The following MAP4K4 variants were observed in gnomAD, a reference collection of about 807,000 sequenced individuals.
MAP4K4 encodes HPK/GCK-like kinase HGK.
Under a neutral mutation model 189.6 loss-of-function variants are expected in MAP4K4, and 38 were observed. The observed-to-expected ratio is 0.20, with a 90% CI of 0.15 to 0.26. The LOEUF (loss-of-function observed/expected upper bound fraction) is 0.26. Among genes scored for constraint, MAP4K4 ranks in the 10% least tolerant of loss-of-function variants. The pLI is 1.00. For missense variants in MAP4K4, 1,054 were observed against 1,726.9 expected (o/e 0.61, Z 6.91); for synonymous variants, 610 against 624.3 (o/e 0.98, Z 0.34).
intron 2 of MAP4K4, among the ~76,000 whole-genome samples, chr2:101,711,976 T>G (rs1029737289): frequency 2.7e-5 from 4 of 149,462 alleles, no homozygotes; most frequent in Non-Finnish European, 6.0e-5. Context: ...TCTTGCCCTT[T>G]TTTTTTTTTT....
intron 2 of MAP4K4, among the ~76,000 whole-genome samples, chr2:101,742,781 T>C (rs1025839411): frequency 2.6e-5 from 4 of 152,196 alleles, no homozygotes; most frequent in Non-Finnish European, 5.9e-5. Flanking sequence ...CCTAACTGTA[T>C]TTCCTGGAAT....
rs572636599 is a variant in MAP4K4, at chr2:101,842,558, G to A, written c.950-51G>A. ...CCTGCAGATGCTTGTCTGAACAGGC[G>A]TGTGTCAGGACTTGTGAACTGTCCC... On this transcript the variant is annotated intron_variant, in intron 10 of 32. Transcript: ENST00000324219. The A allele has an allele frequency of 6.8e-5, 91 of 1,338,180 alleles. No homozygotes were observed. The South Asian group carries it at 1.1e-3, about 16-fold the overall frequency. The allele number at this position is 1,338,180 out of a possible 1,614,324, so 82.9% of individuals were successfully genotyped here.
intron 3 of MAP4K4, among the ~76,000 whole-genome samples, chr2:101,812,672 T>G (rs2095502303): frequency 6.6e-6 from 1 of 152,120 alleles, no homozygotes; most frequent in South Asian, 2.1e-4. Flanking sequence ...TTTTTAAAAA[T>G]GTGCATCTTT....
chr2:101,893,806 C>T (rs1290364780), exon 33 of MAP4K4: 1 of 153,174 alleles, frequency 6.5e-6, no homozygotes, highest in Non-Finnish European at 1.5e-5. Flanking sequence ...TCTGAGCTCA[C>T]ACCGAGTTGT....
intron 28 of MAP4K4, among the ~76,000 whole-genome samples, chr2:101,883,076 C>G (rs1173616930): frequency 6.6e-6 from 1 of 152,116 alleles, no homozygotes; most frequent in African/African-American, 2.4e-5. Flanking sequence ...GACTTGAGTC[C>G]TTTTTTACAT....
chr2:101,863,982 TAA>T lies in MAP4K4; in HGVS notation c.2029_2030del (p.Lys677ValfsTer5). On this transcript the variant is annotated frameshift_variant, in exon 17 of 33. Transcript: ENST00000324219. LOFTEE classifies it high-confidence loss of function. ...AGGTGCTCAGTCAGAGCTCTGACTC[TAA>T]GTCAGAGGCGCCTGACCCTACCCAA... 7.3e-7 allele frequency: 1 copy of T among 1,367,694 alleles called. No homozygotes were observed. Among genetic ancestry groups the T allele is most frequent in the Non-Finnish European group, 9.8e-7 (1 of 1,021,810 alleles). 84.7% of individuals were successfully genotyped at this position (1,367,694 alleles called of 1,614,324 possible).
intron 12 of MAP4K4, among the ~76,000 whole-genome samples, chr2:101,852,168 C>T (rs1338274008): frequency 2.0e-5 from 3 of 150,914 alleles, no homozygotes; most frequent in African/African-American, 7.3e-5. Flanking sequence ...TAGTATGAGG[C>T]ACTACCCAGA....
At chr2:101,807,182 C>T (rs1409450853) in intron 3 of MAP4K4, among the ~76,000 whole-genome samples, 1 of 151,964 alleles carries the variant, frequency 6.6e-6, no homozygotes, top group Non-Finnish European at 1.5e-5. Context: ...TCTTGATTAG[C>T]TGGGGTTATA....
rs775490888 is a variant in MAP4K4 at position 101,887,096 on chromosome 2, A to G, written c.3630A>G (p.Gly1210=). ...TTATGGCTTCTTTGCAGTCATTTGG[A>G]GAATTGGTACATAAGCCATTACTGG... The change falls in exon 30 of 33, where the codon GGA becomes GGG. Residue 1210 remains glycine, a synonymous_variant. Coordinates refer to ENST00000324219, the Ensembl canonical transcript of MAP4K4. 1.9e-5 allele frequency: 30 copies of G among 1,566,004 alleles called. No homozygotes were observed. In the South Asian group the frequency reaches 3.5e-4, roughly 18 times the overall value.
At chr2:101,834,194 CTCCCTCCATCCCTCCATCCCTCCA>C (rs568532982) in intron 7 of MAP4K4, among the ~76,000 whole-genome samples, 191 bp from the exon 8 acceptor site, 1 of 125,462 alleles carries the variant, frequency 8.0e-6, no homozygotes, top group Non-Finnish European at 1.7e-5. Flanking sequence ...CCTCCCTCCC[CTCCCTCCATCCCTCCATCCCTCCA>C]TCCCTCCATC....
intron 2 of MAP4K4, among the ~76,000 whole-genome samples, chr2:101,760,549 T>C (rs1266895946): frequency 1.3e-5 from 2 of 150,824 alleles, no homozygotes; most frequent in Non-Finnish European, 2.9e-5. Flanking sequence ...TGTGTGTGTG[T>C]GTGTGTGTGT....
At chr2:101,857,872 G>A (rs2097526553) in intron 13 of MAP4K4, among the ~76,000 whole-genome samples, 1 of 152,138 alleles carries the variant, frequency 6.6e-6, no homozygotes, top group African/African-American at 2.4e-5. Context: ...TTTGTTTCAA[G>A]GTGTGCACCA....
intron 12 of MAP4K4, among the ~76,000 whole-genome samples, chr2:101,845,956 T>C (rs2149620149): frequency 6.6e-6 from 1 of 152,352 alleles, no homozygotes; most frequent in Non-Finnish European, 1.5e-5. Context: ...ATCCTACTAA[T>C]TTAACAGCAC....
At chr2:101,738,992 G>A (rs1268985667) in intron 2 of MAP4K4, among the ~76,000 whole-genome samples, 2 of 152,008 alleles carry the variant, frequency 1.3e-5, no homozygotes, top group African/African-American at 2.4e-5. Context: ...GTTACTGCTG[G>A]CCGTCATTAT....
chr2:101,890,202 T>C (rs565847563), intron 32 of MAP4K4, among the ~76,000 whole-genome samples: 7 of 152,348 alleles, frequency 4.6e-5, no homozygotes, highest in African/African-American at 1.7e-4. Flanking sequence ...AAAAAGAAAT[T>C]AGGTTGTTAA....
At chr2:101,776,734 C>T (rs2084382134) in intron 2 of MAP4K4, among the ~76,000 whole-genome samples, 1 of 151,896 alleles carries the variant, frequency 6.6e-6, no homozygotes, top group African/African-American at 2.4e-5. Flanking sequence ...TAATCAGATG[C>T]CAGGGTAATT....
At chr2:101,742,729 T>G (rs1381370465) in intron 2 of MAP4K4, among the ~76,000 whole-genome samples, 1 of 152,122 alleles carries the variant, frequency 6.6e-6, no homozygotes, top group East Asian at 1.9e-4. Flanking sequence ...GTCAAGCAGG[T>G]AAAGGAGAGA....
chr2:101,722,043 A>G (rs1008596524), intron 2 of MAP4K4, among the ~76,000 whole-genome samples: 1 of 152,194 alleles, frequency 6.6e-6, no homozygotes, highest in African/African-American at 2.4e-5. Context: ...ACCTTGGTTT[A>G]CAATAGAGGA....
At chr2:101,858,784 A>G (rs190447548) in intron 13 of MAP4K4, among the ~76,000 whole-genome samples, 31 of 152,320 alleles carry the variant, frequency 2.0e-4, no homozygotes, top group African/African-American at 6.5e-4. Flanking sequence ...TATTATGGGA[A>G]TGCATATCAT....
Sources: gnomAD v4.1 joint callset for allele counts (sites outside exome capture counted in the v4.1 genomes callset) on GRCh38, gnomAD v4.1.1 for gene constraint, MANE v1.5 for transcripts, NCBI Gene and HGNC (gene_info 2026-07-23, HGNC 2026-07-21) for gene names.